CD36: variants seen among roughly 807,000 people sequenced by gnomAD.
CD36 encodes platelet glycoprotein 4.
CD36 carries 119 observed loss-of-function variants against 55.2 expected under a neutral mutation model. That is an observed-to-expected ratio of 2.15 (90% CI 1.86 to 2.51). The LOEUF is 2.51. Among genes scored for constraint, CD36 ranks in the 30% most tolerant of loss-of-function variants. The pLI is 0.00. For synonymous variants in CD36, 186 were observed against 193.6 expected (o/e 0.96, Z 0.33); for missense variants, 819 against 555.5 (o/e 1.47, Z -4.77).
intron 1 of CD36, among the ~76,000 whole-genome samples, chr7:80,611,846 G>GT (rs1792892754): frequency 1.3e-5 from 2 of 152,224 alleles, no homozygotes; most frequent in South Asian, 4.1e-4. Flanking sequence ...GTCACTCATA[G>GT]TAAGTGAGAA....
At chr7:80,631,758 G>A (rs1202620084) in intron 1 of CD36, among the ~76,000 whole-genome samples, 1 of 151,018 alleles carries the variant, frequency 6.6e-6, no homozygotes, top group Non-Finnish European at 1.5e-5. Context: ...TAAACAAAGT[G>A]ATTTAAATAA....
intron 1 of CD36, among the ~76,000 whole-genome samples, chr7:80,611,803 T>G (rs1584268320): frequency 1.3e-5 from 2 of 152,168 alleles, no homozygotes; most frequent in East Asian, 1.9e-4. Flanking sequence ...AAGACTAGAC[T>G]GAAGCTAAAG....
intron 14 of CD36, chr7:80,676,172 A>C (rs994789067): frequency 6.6e-6 from 1 of 152,218 alleles, no homozygotes; most frequent in African/African-American, 2.4e-5. Context: ...ACCGACCAAC[A>C]GGATGAAAAT....
intron 9 of CD36, chr7:80,670,334 A>C (rs1797540701): frequency 2.7e-6 from 1 of 376,476 alleles, no homozygotes; most frequent in Non-Finnish European, 5.0e-6. Flanking sequence ...AACTGTGTTA[A>C]TGTGCTCTGC....
chr7:80,669,567 C>CCTAT (rs1405075593), intron 8 of CD36, among the ~76,000 whole-genome samples: 5 of 152,028 alleles, frequency 3.3e-5, no homozygotes, highest in Admixed American at 6.5e-5. Context: ...ATTACGAGCG[C>CCTAT]CTATCTCAGG....
intron 3 of CD36, among the ~76,000 whole-genome samples, chr7:80,650,661 T>G (rs916640793): frequency 6.6e-6 from 1 of 152,164 alleles, no homozygotes; most frequent in Non-Finnish European, 1.5e-5. Flanking sequence ...ACTTCTTAAT[T>G]GAGAATGATG....
chr7:80,639,336 T>C (rs753854724), intron 1 of CD36, among the ~76,000 whole-genome samples: 9 of 152,002 alleles, frequency 5.9e-5, no homozygotes, highest in Admixed American at 6.6e-5. Flanking sequence ...GATATTGTCA[T>C]TGTTACTGGG....
chr7:80,624,665 A>T (rs1285634609), intron 1 of CD36, among the ~76,000 whole-genome samples: 1 of 152,020 alleles, frequency 6.6e-6, no homozygotes, highest in Non-Finnish European at 1.5e-5. Flanking sequence ...TGAGGCCAGG[A>T]GTTCAAGACC....
chr7:80,632,431 A>G (rs1413826955), intron 1 of CD36, among the ~76,000 whole-genome samples: 1 of 152,058 alleles, frequency 6.6e-6, no homozygotes, highest in Admixed American at 6.6e-5. Flanking sequence ...ATACACATGC[A>G]TATCTGCATA....
At chr7:80,645,450 G>A (rs909115222) in intron 1 of CD36, among the ~76,000 whole-genome samples, 3 of 151,602 alleles carry the variant, frequency 2.0e-5, no homozygotes, top group Non-Finnish European at 4.4e-5. Flanking sequence ...TGACCAACAT[G>A]GTGAAACCCC....
In CD36 at chr7:80,605,097, C is replaced by T. The variant is rs557492536; in HGVS notation, c.-184+2718C>T. On this transcript the variant is annotated intron_variant, in intron 1 of 13. Coordinates refer to the CD36 transcript ENST00000309881. ...GAAAATAGAACCCAAAGCATCCTGTCTTTCCAGAGAAGATACAAAATTTTA... is the reference window on the plus strand; with the variant it reads ...GAAAATAGAACCCAAAGCATCCTGTTTTTCCAGAGAAGATACAAAATTTTA... 2.6e-5 allele frequency among the ~76,000 whole-genome samples: 4 copies of T among 152,262 alleles called. No individual in the cohort carries two copies. In the South Asian group the frequency reaches 8.3e-4, roughly 32 times the overall value.
At chr7:80,625,041 G>C (rs1469214691) in intron 1 of CD36, 1 of 151,974 alleles carries the variant, frequency 6.6e-6, no homozygotes, top group Non-Finnish European at 1.5e-5. Flanking sequence ...TTACTTTCAG[G>C]TTAGATAATT....
chr7:80,673,572 CA>C, intron 13 of CD36, 163 bp downstream of exon 13: 1 of 597,866 alleles, frequency 1.7e-6, no homozygotes, highest in South Asian at 2.2e-5. Flanking sequence ...TCCAATTGAA[CA>C]AAAACATTTC....
chr7:80,672,038 C>G lies in CD36; in HGVS notation c.1123C>G (p.Pro375Ala), dbSNP rs564971571. The change falls in exon 11 of 15, where the codon CCT (proline) becomes GCT (alanine). Residue 375 changes from proline to alanine, a missense_variant and splice_region_variant. Transcript: ENST00000447544. ...ACATAGGACATACTTGGATATTGAA[C>G]CTGTAAGAAAACACCTTATTGATCT... ...EEHRTYLDIE[P>A]ITGFTLQFAK... 6.2e-7 allele frequency: 1 copy of G among 1,603,704 alleles called. No homozygotes were observed.
upstream of CD36, among the ~76,000 whole-genome samples, chr7:80,634,942 CAAATT>C (rs1453093256): frequency 3.3e-5 from 5 of 150,658 alleles, no homozygotes; most frequent in Non-Finnish European, 4.4e-5. Flanking sequence ...TAAAAATTGT[CAAATT>C]AAAAAAAAAT....
At chr7:80,630,793 A>G (rs1794031408) in intron 1 of CD36, among the ~76,000 whole-genome samples, 2 of 152,034 alleles carry the variant, frequency 1.3e-5, no homozygotes, top group Admixed American at 1.3e-4. Flanking sequence ...AATACATTAC[A>G]TGGAGGATGC....
chr7:80,612,132 C>T (rs975523697), intron 1 of CD36, among the ~76,000 whole-genome samples: 14 of 152,176 alleles, frequency 9.2e-5, no homozygotes, highest in African/African-American at 3.4e-4. Context: ...TTTGTTACTT[C>T]AGTAATTAAA....
rs376641008 is a variant in CD36 at position 80,608,783 on chromosome 7, C to T, written c.-184+6404C>T. Among the ~76,000 whole-genome samples, 16 of 152,230 alleles carry T rather than the reference C, an allele frequency of 1.1e-4. 1 individual carries two copies. The highest frequency in any genetic ancestry group is 9.7e-4 in the East Asian group (5 of 5,174). ...ACCTCCTTTTGTCTTGTTACTCAAG[C>T]GTAAAACCTGAGACTTACGATTTTT... is the stretch of plus-strand genomic sequence containing the variant. On this transcript the variant is annotated intron_variant, in intron 1 of 13. Transcript: ENST00000309881.
chr7:80,651,346 TTACCTATATAACAAACTTGCACATG>T (rs1226742909), intron 3 of CD36, among the ~76,000 whole-genome samples: 1 of 151,902 alleles, frequency 6.6e-6, no homozygotes, highest in Non-Finnish European at 1.5e-5. Context: ...GACACACAAT[TTACCTATATAACAAACTTGCACATG>T]TACCTCTGAC....
Sources: allele counts gnomAD v4.1 joint callset (sites outside exome capture counted in the v4.1 genomes callset), GRCh38; gene constraint gnomAD v4.1.1; transcripts MANE v1.5; gene names NCBI Gene and HGNC (gene_info 2026-07-23, HGNC 2026-07-21).